GALNTL6: variants seen among roughly 807,000 people sequenced by gnomAD.
The protein encoded by GALNTL6 is polypeptide N-acetylgalactosaminyltransferase-like 6.
In GALNTL6, 46 loss-of-function variants were observed where a neutral mutation model predicts 73.7. That is an observed-to-expected ratio of 0.62 (90% CI 0.49 to 0.80). The LOEUF is 0.80. Ranked by LOEUF, GALNTL6 falls within the 30% of genes least tolerant of loss-of-function variation. GALNTL6 has a pLI of 0.00. For synonymous variants in GALNTL6, 259 were observed against 263.7 expected, an observed-to-expected ratio of 0.98 and a Z score of 0.17; for missense variants, 604 against 755.0, an observed-to-expected ratio of 0.80 and a Z score of 2.34.
At chr4:172,848,931 C>T (rs1279620730) in intron 7 of GALNTL6, among the ~76,000 whole-genome samples, 1 of 152,044 alleles carries the variant, frequency 6.6e-6, no homozygotes, top group Non-Finnish European at 1.5e-5. Context: ...CAACAAACAC[C>T]ACAGAGAGTA....
chr4:172,622,195 G>A (rs1484626986), intron 5 of GALNTL6, among the ~76,000 whole-genome samples: 3 of 152,130 alleles, frequency 2.0e-5, no homozygotes, highest in Non-Finnish European at 4.4e-5. Flanking sequence ...CCAACATCCT[G>A]TTAATAGGAA....
intron 2 of GALNTL6, among the ~76,000 whole-genome samples, chr4:171,904,491 A>G (rs1737210530): frequency 6.6e-6 from 1 of 152,234 alleles, no homozygotes; most frequent in African/African-American, 2.4e-5. Flanking sequence ...ATATGGGACT[A>G]TGTGAAAAGA....
At chr4:172,090,008 A>G (rs1732155674) in intron 2 of GALNTL6, among the ~76,000 whole-genome samples, 1 of 152,172 alleles carries the variant, frequency 6.6e-6, no homozygotes, top group Admixed American at 6.5e-5. Context: ...AGCTTCATCC[A>G]TGTCCCTGCA....
At chr4:171,902,734 C>T (rs914795797) in intron 2 of GALNTL6, among the ~76,000 whole-genome samples, 2 of 152,048 alleles carry the variant, frequency 1.3e-5, no homozygotes, top group African/African-American at 4.8e-5. Context: ...GACTTCTATT[C>T]ACTAACATTG....
In GALNTL6 at chr4:172,333,341, G is replaced by T. The variant is rs966379796; in HGVS notation, c.387-15182G>T. The stretch of plus-strand genomic sequence containing the variant: ...AATCGCTTGAACCTGGGAGATGGAG[G>T]TTGCAGTGAGCCGAGATCGTGCAAT... On this transcript the variant is annotated intron_variant, in intron 4 of 12. Transcript: ENST00000506823. 3.9e-5 allele frequency among the ~76,000 whole-genome samples: 6 copies of T among 152,132 alleles called. 1 individual carries two copies. In the East Asian group the frequency reaches 5.8e-4, roughly 15 times the overall value.
At chr4:171,846,471 G>A (rs1043889809) in intron 2 of GALNTL6, among the ~76,000 whole-genome samples, 1 of 152,116 alleles carries the variant, frequency 6.6e-6, no homozygotes, top group East Asian at 1.9e-4. Flanking sequence ...AAGCTCCTGC[G>A]CTGGGGCTCG....
intron 5 of GALNTL6, among the ~76,000 whole-genome samples, chr4:172,645,218 T>G (rs1217748543): frequency 2.6e-5 from 4 of 152,120 alleles, no homozygotes; most frequent in African/African-American, 9.6e-5. Flanking sequence ...AATTTATTCA[T>G]CTTTTATTTC....
intron 10 of GALNTL6, among the ~76,000 whole-genome samples, chr4:172,954,670 G>A (rs1579702618): frequency 6.6e-6 from 1 of 152,058 alleles, no homozygotes; most frequent in East Asian, 1.9e-4. Flanking sequence ...GTCTCAATAT[G>A]TTGCCCATGC....
At chr4:172,042,212 T>A (rs772089787) in intron 2 of GALNTL6, among the ~76,000 whole-genome samples, 12 of 152,106 alleles carry the variant, frequency 7.9e-5, no homozygotes, top group Non-Finnish European at 1.8e-4. Flanking sequence ...TTAAGCCCTA[T>A]GAGTTTTGGT....
intron 2 of GALNTL6, among the ~76,000 whole-genome samples, chr4:172,227,183 G>A (rs1736896237): frequency 6.6e-6 from 1 of 152,166 alleles, no homozygotes; most frequent in Non-Finnish European, 1.5e-5. Flanking sequence ...GCACCTAGGA[G>A]CCAGTACCTG....
chr4:172,728,247 A>G (rs1289687235), intron 5 of GALNTL6, among the ~76,000 whole-genome samples: 4 of 152,150 alleles, frequency 2.6e-5, no homozygotes, highest in Admixed American at 6.5e-5. Flanking sequence ...ATACATTTAT[A>G]TCCTTCTTCC....
intron 7 of GALNTL6, among the ~76,000 whole-genome samples, chr4:172,859,941 C>A (rs1438057362): frequency 6.6e-6 from 1 of 152,148 alleles, no homozygotes. Context: ...AAGCTCAAGG[C>A]TCCCACTGTT....
chr4:173,018,092 CAGAG>C (rs1170503581), intron 11 of GALNTL6, among the ~76,000 whole-genome samples: 1 of 152,020 alleles, frequency 6.6e-6, no homozygotes, highest in East Asian at 1.9e-4. Flanking sequence ...GAGATGGAGA[CAGAG>C]AGGGAAATAA....
intron 2 of GALNTL6, among the ~76,000 whole-genome samples, chr4:172,192,287 T>C (rs1292923482): frequency 6.6e-6 from 1 of 152,088 alleles, no homozygotes; most frequent in Non-Finnish European, 1.5e-5. Context: ...ATGGTTTCGA[T>C]ATGCAAAGAC....
intron 7 of GALNTL6, among the ~76,000 whole-genome samples, chr4:172,832,858 G>C (rs1310297371): frequency 1.3e-5 from 2 of 152,174 alleles, no homozygotes; most frequent in Non-Finnish European, 1.5e-5. Context: ...CAAAATCGTG[G>C]CCACAGGTGG....
chr4:172,715,241 A>T (rs1051784367), intron 5 of GALNTL6, among the ~76,000 whole-genome samples: 2 of 152,174 alleles, frequency 1.3e-5, no homozygotes, highest in African/African-American at 4.8e-5. Flanking sequence ...AAGAAAAGCA[A>T]CACTGGTGTA....
intron 5 of GALNTL6, among the ~76,000 whole-genome samples, chr4:172,460,203 T>G (rs1205908545): frequency 2.0e-5 from 3 of 152,158 alleles, no homozygotes; most frequent in Non-Finnish European, 4.4e-5. Flanking sequence ...TCTTTGTATC[T>G]TATGCAAAAA....
At chr4:172,991,085 C>A (rs946510265) in intron 10 of GALNTL6, among the ~76,000 whole-genome samples, 1 of 152,064 alleles carries the variant, frequency 6.6e-6, no homozygotes, top group Non-Finnish European at 1.5e-5. Context: ...CACTTGGTAT[C>A]ATAAAATAGA....
chr4:172,831,734 G>A lies in GALNTL6; in HGVS notation c.923+18011G>A, dbSNP rs534018172. 2.6e-5 allele frequency among the ~76,000 whole-genome samples: 4 copies of A among 152,294 alleles called. No homozygotes were observed. The East Asian group carries it at 7.7e-4, about 29-fold the overall frequency. On this transcript the variant is annotated intron_variant, in intron 7 of 12. Transcript: ENST00000506823. The stretch of plus-strand genomic sequence containing the variant: ...TAAAGCCCCAACATGATGGGATTTG[G>A]CGTCAGAGCCTCTAGCAAGTGATGA...
Sources: gnomAD v4.1 joint callset for allele counts (sites outside exome capture counted in the v4.1 genomes callset) on GRCh38, gnomAD v4.1.1 for gene constraint, MANE v1.5 for transcripts, NCBI Gene and HGNC (gene_info 2026-07-23, HGNC 2026-07-21) for gene names.